The following PITPNC1 variants were observed in gnomAD, a reference collection of about 807,000 sequenced individuals.
The protein encoded by PITPNC1 is phosphatidylinositol transfer protein cytoplasmic 1.
A neutral mutation model predicts 44.7 loss-of-function variants in PITPNC1; 18 were observed. The ratio of observed to expected loss-of-function variants is 0.40; its 90% CI spans 0.28 to 0.60. The LOEUF (loss-of-function observed/expected upper bound fraction) is 0.60. PITPNC1 is among the 20% of genes least tolerant of loss of function. The pLI is 0.39. For missense variants in PITPNC1, 290 were observed against 418.4 expected (o/e 0.69, Z 2.68); for synonymous variants, 141 against 149.6 (o/e 0.94, Z 0.42).
At chr17:67,462,359 G>A (rs2039353027) in intron 1 of PITPNC1, among the ~76,000 whole-genome samples, 1 of 150,862 alleles carries the variant, frequency 6.6e-6, no homozygotes, top group Non-Finnish European at 1.5e-5. Flanking sequence ...AGCCTCCTGA[G>A]TAGCCAGGAT....
chr17:67,620,999 G>A (rs1256025180), intron 5 of PITPNC1, among the ~76,000 whole-genome samples: 3 of 152,092 alleles, frequency 2.0e-5, no homozygotes, highest in South Asian at 2.1e-4. Context: ...CTGGCCTGGC[G>A]TCTCTGGACC....
chr17:67,465,354 G>A (rs1281889107), intron 1 of PITPNC1, among the ~76,000 whole-genome samples: 1 of 152,212 alleles, frequency 6.6e-6, no homozygotes, highest in East Asian at 1.9e-4. Flanking sequence ...GCAGAGGAAA[G>A]TCTTGAAATG....
intron 8 of PITPNC1, among the ~76,000 whole-genome samples, chr17:67,680,170 C>T (rs188972430): frequency 4.4e-4 from 67 of 152,218 alleles, no homozygotes; most frequent in Non-Finnish European, 6.5e-4. Context: ...GATTTTCCAA[C>T]GCAACATTTT....
At chr17:67,622,585 G>A (rs997859350) in intron 5 of PITPNC1, among the ~76,000 whole-genome samples, 1 of 145,154 alleles carries the variant, frequency 6.9e-6, no homozygotes, top group African/African-American at 2.6e-5. Context: ...GCTGCTATTA[G>A]ATAATAATCA....
intron 1 of PITPNC1, among the ~76,000 whole-genome samples, chr17:67,380,555 A>G (rs531836558): frequency 2.6e-5 from 4 of 152,310 alleles, no homozygotes; most frequent in African/African-American, 9.6e-5. Flanking sequence ...TTAGATTAAT[A>G]GATGTTTCCA....
intron 2 of PITPNC1, among the ~76,000 whole-genome samples, chr17:67,539,877 A>G (rs1428080126): frequency 1.3e-5 from 2 of 152,144 alleles, no homozygotes; most frequent in African/African-American, 4.8e-5. Context: ...CACATATAGT[A>G]TGATGCCATT....
intron 1 of PITPNC1, among the ~76,000 whole-genome samples, chr17:67,512,513 A>AACAAACAAAC (rs2040201647): frequency 7.0e-6 from 1 of 142,740 alleles, no homozygotes. Flanking sequence ...AAAAAAAAAA[A>AACAAACAAAC]AAAAAAAAAA....
intron 2 of PITPNC1, among the ~76,000 whole-genome samples, chr17:67,545,865 G>A (rs2144152552): frequency 6.6e-6 from 1 of 152,160 alleles, no homozygotes; most frequent in Middle Eastern, 3.4e-3. Flanking sequence ...CCCTGCCCTG[G>A]TGGGACTTGC....
At chr17:67,580,574 C>T (rs1227661309) in intron 5 of PITPNC1, among the ~76,000 whole-genome samples, 1 of 152,190 alleles carries the variant, frequency 6.6e-6, no homozygotes, top group East Asian at 1.9e-4. Flanking sequence ...CTCCTGGACT[C>T]AAGCAATCTG....
intron 1 of PITPNC1, among the ~76,000 whole-genome samples, chr17:67,452,352 AG>A (rs1253965876): frequency 1.3e-5 from 2 of 151,710 alleles, no homozygotes; most frequent in Admixed American, 1.3e-4. Flanking sequence ...ATTCCATTAT[AG>A]GGATGTACCA....
chr17:67,391,753 T>A (rs1348742079), intron 1 of PITPNC1, among the ~76,000 whole-genome samples: 16 of 152,066 alleles, frequency 1.1e-4, no homozygotes, highest in Admixed American at 1.0e-3. Flanking sequence ...AGTGTTGGGA[T>A]TACAGGAGTG....
intron 1 of PITPNC1, among the ~76,000 whole-genome samples, chr17:67,450,233 T>A (rs903182125): frequency 6.6e-6 from 1 of 152,206 alleles, no homozygotes; most frequent in African/African-American, 2.4e-5. Context: ...ATGGGCTGTG[T>A]GAATGCAAAC....
Position 67,692,937 on chromosome 17 carries a change from GTTT to G in PITPNC1, c.*56_*58del, listed in dbSNP as rs147971105. On this transcript the variant is annotated 3_prime_UTR_variant, in exon 9 of 9. Coordinates refer to ENST00000581322, the MANE Select transcript of PITPNC1 (RefSeq NM_012417.4). ...TTTTATATTTTCATTTGTTGTTGTTGTTTTTTTTTAAGAATCTTCTGATAGAGA... is the reference window on the plus strand; with the variant it reads ...TTTTATATTTTCATTTGTTGTTGTTGTTTTTTAAGAATCTTCTGATAGAGA... 2 of 1,111,726 alleles carry G rather than the reference GTTT, an allele frequency of 1.8e-6. No individual in the cohort carries two copies. The highest frequency in any genetic ancestry group is 1.6e-5 in the African/African-American group (1 of 64,246). 68.9% of individuals were successfully genotyped at this position (1,111,726 alleles called of 1,614,324 possible). A position where few individuals can be genotyped will look rare whatever the true frequency, so the allele number is the denominator to read the frequency against.
chr17:67,484,499 G>C (rs1047077366), intron 1 of PITPNC1, among the ~76,000 whole-genome samples: 1 of 152,202 alleles, frequency 6.6e-6, no homozygotes, highest in Non-Finnish European at 1.5e-5. Flanking sequence ...TTCTGTCATT[G>C]TTAATTTACA....
chr17:67,428,848 T>TTTC (rs2038812224), intron 1 of PITPNC1, among the ~76,000 whole-genome samples: 1 of 147,090 alleles, frequency 6.8e-6, no homozygotes, highest in Non-Finnish European at 1.5e-5. Context: ...GCTTTTTTTT[T>TTTC]TTTTTTTTTT....
rs538879444 is a variant in PITPNC1 at position 67,683,884 on chromosome 17, G to A, written c.682+8342G>A. 3.3e-5 allele frequency among the ~76,000 whole-genome samples: 5 copies of A among 151,306 alleles called. No individual in the cohort carries two copies. The East Asian group carries it at 7.9e-4, about 24-fold the overall frequency. ...TCCCAGCTACTCGGGAGGCTGAGGC[G>A]GGAGAATCACTTGAACCCGGGAGGC... On this transcript the variant is annotated intron_variant, in intron 8 of 8. Transcript: ENST00000581322.
chr17:67,576,332 T>A (rs2041149562), intron 4 of PITPNC1, among the ~76,000 whole-genome samples: 1 of 152,052 alleles, frequency 6.6e-6, no homozygotes, highest in African/African-American at 2.4e-5. Context: ...TGCACCTCCA[T>A]CTCCTCATCT....
intron 8 of PITPNC1, among the ~76,000 whole-genome samples, chr17:67,690,400 ATC>A (rs2042899216): frequency 6.7e-6 from 1 of 149,832 alleles, no homozygotes; most frequent in Non-Finnish European, 1.5e-5. Context: ...GTGAGCCGAG[ATC>A]TCGCCGTTGC....
In PITPNC1 at chr17:67,513,870, T is replaced by C. The variant is rs147987285; in HGVS notation, c.49-18932T>C. Among the ~76,000 whole-genome samples, 272 of 151,970 alleles carry C rather than the reference T, an allele frequency of 1.8e-3. 1 individual carries two copies. Among genetic ancestry groups the C allele is most frequent in the African/African-American group, 6.3e-3 (260 of 41,424 alleles). ...ATGGGAAATTCTGGTGTAGATACCATTTGTAATTAGATAGTGTCTCTTAAC... is the reference window on the plus strand; with the variant it reads ...ATGGGAAATTCTGGTGTAGATACCACTTGTAATTAGATAGTGTCTCTTAAC... On this transcript the variant is annotated intron_variant, in intron 1 of 8. Coordinates refer to ENST00000581322, the MANE Select transcript of PITPNC1 (RefSeq NM_012417.4).
Sources: allele counts gnomAD v4.1 joint callset (sites outside exome capture counted in the v4.1 genomes callset), GRCh38; gene constraint gnomAD v4.1.1; transcripts MANE v1.5; gene names NCBI Gene and HGNC (gene_info 2026-07-23, HGNC 2026-07-21).